Variants in SPATA13 observed in about 807,000 individuals in gnomAD.
SPATA13 encodes spermatogenesis-associated protein 13.
In SPATA13, 50 loss-of-function variants were observed where a neutral mutation model predicts 104.0. The observed-to-expected ratio is 0.48, with a 90% confidence interval of 0.38 to 0.61. The LOEUF (loss-of-function observed/expected upper bound fraction) is 0.61, where lower values mean the gene tolerates loss of function less well. SPATA13 is among the 20% of genes least tolerant of loss of function. The pLI is 0.00. For synonymous variants in SPATA13, 606 were observed against 667.5 expected (o/e 0.91, Z 1.42); for missense variants, 1,524 against 1,690.6 (o/e 0.90, Z 1.73).
intron 3 of SPATA13, among the ~76,000 whole-genome samples, chr13:24,018,589 TAGCCAATGA>T (rs2137696253): frequency 6.6e-6 from 1 of 152,362 alleles, no homozygotes; most frequent in South Asian, 2.1e-4. Context: ...TACGCATTAA[TAGCCAATGA>T]TGACACAGAG....
chr13:24,261,350 C>T (rs1484282749), intron 4 of SPATA13, among the ~76,000 whole-genome samples: 1 of 152,186 alleles, frequency 6.6e-6, no homozygotes, highest in East Asian at 1.9e-4. Flanking sequence ...AATTGGGGAG[C>T]TTACTCCATT....
intron 1 of SPATA13, among the ~76,000 whole-genome samples, chr13:24,172,216 G>A (rs1291576095): frequency 6.6e-6 from 1 of 152,178 alleles, no homozygotes; most frequent in African/African-American, 2.4e-5. Context: ...CGGAATGTTT[G>A]GGATTGGCTT....
At chr13:24,292,413 C>T (rs1002389772) in intron 9 of SPATA13, among the ~76,000 whole-genome samples, 1 of 152,126 alleles carries the variant, frequency 6.6e-6, no homozygotes, top group Non-Finnish European at 1.5e-5. Context: ...GCCAGGCTAC[C>T]CAGGGGCGCA....
chr13:24,088,778 C>T lies in SPATA13; in HGVS notation c.-112+71077C>T, dbSNP rs867854914. Among the ~76,000 whole-genome samples the T allele has an allele frequency of 5.8e-4, 88 of 152,258 alleles. No homozygotes were observed. Among genetic ancestry groups the T allele is most frequent in the African/African-American group, 1.5e-3 (61 of 41,558 alleles). ...CCAGTTCTGAGAGCCAATCTGCCAT[C>T]ATTTAATCAATTAACACCAAAGGCC... is the stretch of plus-strand genomic sequence containing the variant. On this transcript the variant is annotated intron_variant, in intron 3 of 14. Coordinates refer to the SPATA13 transcript ENST00000424834. This position sits in a 1 kb window ranked among gnomAD's most constrained non-coding sequence, Gnocchi z 4.3.
chr13:24,094,403 T>C (rs1254708147), intron 3 of SPATA13, among the ~76,000 whole-genome samples: 1 of 152,126 alleles, frequency 6.6e-6, no homozygotes, highest in Non-Finnish European at 1.5e-5. Context: ...TAGGGGAGGA[T>C]TAGATAACTC....
chr13:24,087,431 G>A (rs970844748), intron 3 of SPATA13, among the ~76,000 whole-genome samples: 2 of 152,220 alleles, frequency 1.3e-5, no homozygotes, highest in African/African-American at 2.4e-5. Flanking sequence ...CGAAGACACC[G>A]GGAGAAAGTA....
At chr13:24,062,958 A>G (rs1878825799) in intron 3 of SPATA13, among the ~76,000 whole-genome samples, 2 of 152,184 alleles carry the variant, frequency 1.3e-5, no homozygotes, top group Admixed American at 6.5e-5. Flanking sequence ...AAGTTCGCAC[A>G]GCCAAAGTGC....
At chr13:24,207,603 T>C (rs77885604) in intron 1 of SPATA13, among the ~76,000 whole-genome samples, 2,187 of 152,316 alleles carry the variant, frequency 0.014, 57 homozygotes, top group African/African-American at 0.05. Context: ...TTTCTGTTTT[T>C]TTAAGGTAAC....
At chr13:24,094,841 C>T (rs895101688) in intron 3 of SPATA13, among the ~76,000 whole-genome samples, 5 of 152,158 alleles carry the variant, frequency 3.3e-5, no homozygotes, top group Admixed American at 2.0e-4. Context: ...TTTTCAAGCT[C>T]ATTAAGTAAA....
At chr13:24,104,593 T>G (rs9511057) in intron 3 of SPATA13, among the ~76,000 whole-genome samples, 46,633 of 152,116 alleles carry the variant, frequency 0.31, 8,336 homozygotes, top group Middle Eastern at 0.39. Context: ...CATTTACTCC[T>G]TCACTCATAG....
chr13:24,281,926 A>G (rs1875557408), intron 4 of SPATA13, among the ~76,000 whole-genome samples: 1 of 152,150 alleles, frequency 6.6e-6, no homozygotes, highest in African/African-American at 2.4e-5. Flanking sequence ...CCTCCTCATC[A>G]TGACAGCCCT....
At chr13:24,065,539 C>T (rs1479704118) in intron 3 of SPATA13, among the ~76,000 whole-genome samples, 3 of 152,116 alleles carry the variant, frequency 2.0e-5, no homozygotes, top group Non-Finnish European at 2.9e-5. Context: ...CCATTCAAGA[C>T]AGCGTGGCAT....
chr13:24,182,392 C>G (rs1289554896), intron 1 of SPATA13, among the ~76,000 whole-genome samples: 1 of 152,046 alleles, frequency 6.6e-6, no homozygotes, highest in Non-Finnish European at 1.5e-5. Flanking sequence ...AAACATAGTG[C>G]CAGTATCTGC....
At chr13:24,121,592 A>G (rs907166585) in intron 3 of SPATA13, among the ~76,000 whole-genome samples, 3 of 152,196 alleles carry the variant, frequency 2.0e-5, no homozygotes, top group African/African-American at 7.2e-5. Flanking sequence ...TTGACATATA[A>G]AGAATAGATA....
At chr13:23,999,244 A>G (rs1875835481) in intron 2 of SPATA13, among the ~76,000 whole-genome samples, 1 of 151,844 alleles carries the variant, frequency 6.6e-6, no homozygotes, top group South Asian at 2.1e-4. Flanking sequence ...GATTTTCTTG[A>G]TAACTGGTTT....
chr13:24,067,176 A>G (rs563821800), intron 3 of SPATA13, among the ~76,000 whole-genome samples: 1 of 152,190 alleles, frequency 6.6e-6, no homozygotes, highest in East Asian at 1.9e-4. Context: ...TGCCTGCCCA[A>G]TCTTTACACT....
rs1296255468 is a variant in SPATA13 at position 24,161,127 on chromosome 13, C to T, written c.-112+195C>T. ...CCTGTTAGGTCCGTGCGCCCGCTCC[C>T]TGCCCGGCGGTGGCTCTGCGCCCTC... On this transcript the variant is annotated intron_variant, in intron 1 of 12. Transcript: ENST00000382108. The surrounding 1 kb of genome is among the most constrained non-coding windows in gnomAD (Gnocchi z 4.5). Among the ~76,000 whole-genome samples, 2 of 152,236 alleles carry T rather than the reference C, an allele frequency of 1.3e-5. No homozygotes were observed. The highest frequency in any genetic ancestry group is 2.9e-5 in the Non-Finnish European group (2 of 68,040).
In SPATA13 at chr13:24,104,239, G is replaced by T. The variant is rs1000612385; in HGVS notation, c.-112+86538G>T. On this transcript the variant is annotated intron_variant, in intron 3 of 14. Transcript: ENST00000424834. ...GTTGAACAATGTAAAGCTAGAATGGGTTTTTTTTTTTTGTTTTTTGGGTTT... is the reference window on the plus strand; with the variant it reads ...GTTGAACAATGTAAAGCTAGAATGGTTTTTTTTTTTTTGTTTTTTGGGTTT... 6.2e-5 allele frequency among the ~76,000 whole-genome samples: 9 copies of T among 144,622 alleles called. No homozygotes were observed. In the South Asian group the frequency reaches 1.3e-3, roughly 21 times the overall value. The allele number at this position is 144,622 out of a possible 152,430, so 94.9% of individuals were successfully genotyped here.
At chr13:24,284,029 C>A in intron 4 of SPATA13, 106 bp from the exon 5 acceptor site, 1 of 1,136,928 alleles carries the variant, frequency 8.8e-7, no homozygotes, top group Non-Finnish European at 1.3e-6. Flanking sequence ...GAGTAAGATG[C>A]AGATGATTAC....
Sources: gnomAD v4.1 joint callset for allele counts (sites outside exome capture counted in the v4.1 genomes callset) on GRCh38, gnomAD v4.1.1 for gene constraint, Gnocchi (gnomAD v3.1) non-coding constraint, MANE v1.5 for transcripts, NCBI Gene and HGNC (gene_info 2026-07-23, HGNC 2026-07-21) for gene names.